The following SNAP91 variants were observed in gnomAD, a reference collection of about 807,000 sequenced individuals.
SNAP91 encodes clathrin coat assembly protein AP180.
SNAP91 carries 27 observed loss-of-function variants against 100.3 expected under a neutral mutation model. The observed-to-expected ratio is 0.27, with a 90% confidence interval of 0.20 to 0.37. SNAP91 has a LOEUF of 0.37. SNAP91 is among the 10% of genes least tolerant of loss of function. The probability of loss-of-function intolerance (pLI) is 1.00; values close to 1 mark genes in which losing one functional copy is unlikely to be tolerated. For missense variants in SNAP91, 986 were observed against 1,123.7 expected (o/e 0.88, Z 1.75); for synonymous variants, 404 against 398.6 (o/e 1.01, Z -0.16).
chr6:83,584,507 G>GA lies in SNAP91; in HGVS notation c.2015-2152dup, dbSNP rs559915500. Among the ~76,000 whole-genome samples the GA allele has an allele frequency of 6.8e-3, 995 of 146,646 alleles. 11 individuals are homozygous for GA. The highest frequency in any genetic ancestry group is 0.022 in the African/African-American group (895 of 40,288). ...AGGTGAATAAATAAAGCTGTTCACT[G>GA]AAAAAAAAAAATAGTGCCTTCTCTA... On this transcript the variant is annotated intron_variant, in intron 22 of 29. Coordinates refer to ENST00000369694, the MANE Select transcript of SNAP91 (RefSeq NM_001242792.2).
intron 11 of SNAP91, 33 bp from the exon 12 acceptor site, chr6:83,610,710 A>AATATATATATATAT (rs747428612): frequency 4.3e-5 from 9 of 211,542 alleles, no homozygotes; most frequent in African/African-American, 3.2e-4. Context: ...ATTAAAACTG[A>AATATATATATATAT]ATATATATAT....
At chr6:83,612,954 A>G (rs560832620) in intron 11 of SNAP91, among the ~76,000 whole-genome samples, 1 of 152,106 alleles carries the variant, frequency 6.6e-6, no homozygotes, top group South Asian at 2.1e-4. Flanking sequence ...TAATACCTAA[A>G]ATATTATAAC....
chr6:83,699,175 T>C (rs1202377482), intron 2 of SNAP91, among the ~76,000 whole-genome samples: 1 of 151,952 alleles, frequency 6.6e-6, no homozygotes, highest in South Asian at 2.1e-4. Flanking sequence ...GACCTCAGAG[T>C]CTAAAATTAC....
chr6:83,668,791 A>G (rs1179553355), intron 2 of SNAP91, among the ~76,000 whole-genome samples: 1 of 152,076 alleles, frequency 6.6e-6, no homozygotes, highest in African/African-American at 2.4e-5. Flanking sequence ...TCAGTTCGTT[A>G]GTAATTTAAG....
chr6:83,618,026 T>A (rs1454764047), intron 9 of SNAP91, among the ~76,000 whole-genome samples: 1 of 151,916 alleles, frequency 6.6e-6, no homozygotes, highest in South Asian at 2.1e-4. Context: ...ATAAAGGAAC[T>A]CACAGAATTC....
At chr6:83,653,892 C>A (rs775394886) in intron 7 of SNAP91, among the ~76,000 whole-genome samples, 3 of 152,120 alleles carry the variant, frequency 2.0e-5, no homozygotes, top group East Asian at 1.9e-4. Flanking sequence ...TTGGGTATTT[C>A]TCTTGCCCCA....
intron 2 of SNAP91, among the ~76,000 whole-genome samples, chr6:83,706,550 A>C (rs935416265): frequency 2.0e-5 from 3 of 152,246 alleles, no homozygotes; most frequent in African/African-American, 7.2e-5. Context: ...TCTATGAGAC[A>C]ACAGGTTCAC....
At chr6:83,604,632 A>G (rs1473320318) in intron 14 of SNAP91, among the ~76,000 whole-genome samples, 1 of 152,148 alleles carries the variant, frequency 6.6e-6, no homozygotes, top group Non-Finnish European at 1.5e-5. Context: ...TGACTTAGTT[A>G]TTATTGTGCA....
At chr6:83,594,222 T>G (rs925421261) in intron 17 of SNAP91, among the ~76,000 whole-genome samples, 152 bp downstream of exon 17, 2 of 152,230 alleles carry the variant, frequency 1.3e-5, no homozygotes, top group Admixed American at 1.3e-4. Context: ...TGTCTTAATG[T>G]TTTAAATGCT....
chr6:83,570,730 G>A (rs1315007180), intron 26 of SNAP91, among the ~76,000 whole-genome samples: 1 of 152,196 alleles, frequency 6.6e-6, no homozygotes, highest in African/African-American at 2.4e-5. Flanking sequence ...TACATGTGGT[G>A]TTGAGCCACA....
At chr6:83,589,690 A>G (rs1582667471) in intron 22 of SNAP91, among the ~76,000 whole-genome samples, 2 of 152,268 alleles carry the variant, frequency 1.3e-5, no homozygotes, top group South Asian at 4.1e-4. Flanking sequence ...TGCCCCTGGG[A>G]AAGACTGTTA....
At chr6:83,633,599 T>C (rs994118579) in intron 8 of SNAP91, among the ~76,000 whole-genome samples, 2 of 152,028 alleles carry the variant, frequency 1.3e-5, no homozygotes, top group South Asian at 2.1e-4. Flanking sequence ...AATGGAGTTA[T>C]GTTCCTAGGA....
At chr6:83,637,236 T>C (rs2097496801) in intron 8 of SNAP91, among the ~76,000 whole-genome samples, 1 of 152,126 alleles carries the variant, frequency 6.6e-6, no homozygotes, top group African/African-American at 2.4e-5. Flanking sequence ...GCTGCACCCA[T>C]GTTTTCTTTG....
At chr6:83,565,905 C>G (rs1266975655) in intron 26 of SNAP91, among the ~76,000 whole-genome samples, 3 of 152,070 alleles carry the variant, frequency 2.0e-5, no homozygotes. Context: ...CTTGGCAGTT[C>G]CTCAAAAGTT....
At chr6:83,576,522 G>A (rs1330241193) in intron 24 of SNAP91, among the ~76,000 whole-genome samples, 1 of 152,174 alleles carries the variant, frequency 6.6e-6, no homozygotes, top group Non-Finnish European at 1.5e-5. Flanking sequence ...CATGATCACT[G>A]CCCAATAAAT....
At chr6:83,591,044 G>C (rs184290875) in intron 22 of SNAP91, among the ~76,000 whole-genome samples, 167 bp downstream of exon 22, 1 of 152,220 alleles carries the variant, frequency 6.6e-6, no homozygotes, top group African/African-American at 2.4e-5. Context: ...CAAGTAATAA[G>C]CATAGTACCC....
At chr6:83,569,063 C>T (rs768427541) in intron 26 of SNAP91, among the ~76,000 whole-genome samples, 20 of 151,928 alleles carry the variant, frequency 1.3e-4, no homozygotes, top group Non-Finnish European at 2.6e-4. Context: ...TAGGAAAGAA[C>T]AGCTTTGTAA....
chr6:83,559,139 G>C (rs1783254962), intron 28 of SNAP91, among the ~76,000 whole-genome samples: 1 of 152,164 alleles, frequency 6.6e-6, no homozygotes, highest in African/African-American at 2.4e-5. Flanking sequence ...ACACCTGACA[G>C]TTTATGCTAA....
chr6:83,612,210 T>C (rs1345515115), intron 11 of SNAP91, among the ~76,000 whole-genome samples: 1 of 152,108 alleles, frequency 6.6e-6, no homozygotes, highest in Non-Finnish European at 1.5e-5. Flanking sequence ...TTAAGAGTAA[T>C]ATAGTCTATG....
Sources: allele counts gnomAD v4.1 joint callset (sites outside exome capture counted in the v4.1 genomes callset), GRCh38; gene constraint gnomAD v4.1.1; transcripts MANE v1.5; gene names NCBI Gene and HGNC (gene_info 2026-07-23, HGNC 2026-07-21).